Variants in KRT79 observed in about 807,000 individuals in gnomAD.
KRT79 encodes keratin, type II cytoskeletal 79.
Under a neutral mutation model 49.0 loss-of-function variants are expected in KRT79, and 51 were observed. The ratio of observed to expected loss-of-function variants is 1.04; its 90% CI spans 0.83 to 1.31. The LOEUF (loss-of-function observed/expected upper bound fraction) is 1.31, where lower values mean the gene tolerates loss of function less well. KRT79 is among the 40% of genes most tolerant of loss of function. The pLI is 0.00. For synonymous variants in KRT79, 312 were observed against 286.6 expected, an observed-to-expected ratio of 1.09 and a Z score of -0.90; for missense variants, 728 against 688.0, an observed-to-expected ratio of 1.06 and a Z score of -0.65.
intron 4 of KRT79, among the ~76,000 whole-genome samples, chr12:52,827,998 A>T (rs1336662789): frequency 6.6e-6 from 1 of 152,028 alleles, no homozygotes; most frequent in African/African-American, 2.4e-5. Context: ...AGACCCCAAA[A>T]CCCCAAACGC....
intron 5 of KRT79, 23 bp downstream of exon 5, chr12:52,824,175 C>A: frequency 1.9e-6 from 3 of 1,614,114 alleles, no homozygotes; most frequent in Non-Finnish European, 2.5e-6. Flanking sequence ...AGGCCTCACA[C>A]CTGAGCCAGC....
intron 4 of KRT79, among the ~76,000 whole-genome samples, chr12:52,826,374 A>T (rs1272854548): frequency 1.3e-5 from 2 of 151,964 alleles, no homozygotes; most frequent in Non-Finnish European, 2.9e-5. Flanking sequence ...TTAGCCAGGC[A>T]TGGTGACGTG....
rs986025224 is a variant in KRT79, at chr12:52,823,237, C to A, written c.1147-1G>T. The A allele has an allele frequency of 8.7e-6, 14 of 1,613,816 alleles. No individual in the cohort carries two copies. The highest frequency in any genetic ancestry group is 9.3e-6 in the Non-Finnish European group (11 of 1,179,766). Reference sequence around the variant, plus strand: ...CAATGGCCGTCTGCAGCTGCTGACACTGCCCAGGGGAGAAAGGTGTTGGAA... The same window carrying A: ...CAATGGCCGTCTGCAGCTGCTGACAATGCCCAGGGGAGAAAGGTGTTGGAA... On this transcript the variant is annotated splice_acceptor_variant, in intron 6 of 8. Coordinates refer to ENST00000330553, the MANE Select transcript of KRT79 (RefSeq NM_175834.3). LOFTEE classifies it high-confidence loss of function.
chr12:52,823,897 G>T lies in KRT79; in HGVS notation c.1136C>A (p.Ala379Asp), dbSNP rs1940137562. 1 of 1,613,314 alleles carries T rather than the reference G, an allele frequency of 6.2e-7. No individual in the cohort carries two copies. The highest frequency in any genetic ancestry group is 2.2e-5 in the East Asian group (1 of 44,880). The stretch of plus-strand genomic sequence containing the variant: ...CCAGTAGAGTCCCACCTGCTTCTTG[G>T]CTGCATCAGCCTCCCCCTGCAGCCT... ...IQRLQGEADA[A>D]KKQCQQLQTA... The change falls in exon 6 of 9, where the codon GCC (alanine) becomes GAC (aspartate). Residue 379 changes from alanine (A) to aspartate (D), a missense_variant. By Grantham distance (126) the Ala-to-Asp change is moderately radical (BLOSUM62 -2). Transcript: ENST00000330553.
chr12:52,824,672 A>C (rs1427768052), intron 4 of KRT79, among the ~76,000 whole-genome samples: 1 of 152,184 alleles, frequency 6.6e-6, no homozygotes, highest in Non-Finnish European at 1.5e-5. Context: ...CACATTCACT[A>C]ACCCCTCTAG....
At position 52,833,797 on chromosome 12, in the gene KRT79, G is replaced by A. The variant is rs1485552625; in HGVS notation, c.464C>T (p.Ser155Phe). 3 of 1,613,786 alleles carry A rather than the reference G, an allele frequency of 1.9e-6. No homozygotes were observed. Among genetic ancestry groups the A allele is most frequent in the Admixed American group, 3.3e-5 (2 of 60,000 alleles). ...TGCTTGGCCCACCTTGTCGATGAAG[G>A]AGGCGAACTTGTTGTTGAGGGTCTT... ...QIKTLNNKFA[S>F]FIDKVRFLEQ... Residue 155 changes from serine to phenylalanine, a missense_variant, in exon 1 of 9, where the codon TCC (serine) becomes TTC (phenylalanine). Coordinates refer to ENST00000330553, the MANE Select transcript of KRT79 (RefSeq NM_175834.3).
At position 52,834,185 on chromosome 12, in the gene KRT79, C is replaced by T; in HGVS notation, c.76G>A (p.Gly26Arg). Residue 26 changes from glycine to arginine, a missense_variant, in exon 1 of 9, where the codon GGG becomes AGG. Physicochemically the swap from Gly to Arg is moderately radical, Grantham distance 125 (BLOSUM62 -2). Transcript: ENST00000330553. ...FSSNSASGGS[G>R]SQARTSFSSV... ...CTGAAGCTGGTGCGGGCCTGGGACCCACTCCCTCCGCTGGCAGAGTTGGAG... is the reference window on the plus strand; with the variant it reads ...CTGAAGCTGGTGCGGGCCTGGGACCTACTCCCTCCGCTGGCAGAGTTGGAG... The T allele has an allele frequency of 6.2e-7, 1 of 1,613,838 alleles. No individual in the cohort carries two copies. Among genetic ancestry groups the T allele is most frequent in the Non-Finnish European group, 8.5e-7 (1 of 1,179,970 alleles).
rs1454205464 is a variant in KRT79 at position 52,831,563 on chromosome 12, C to T, written c.541G>A (p.Gly181Ser). 1.9e-6 allele frequency: 3 copies of T among 1,614,240 alleles called. No homozygotes were observed. The highest frequency in any genetic ancestry group is 1.1e-5 in the South Asian group (1 of 91,088). The change falls in exon 2 of 9, where the codon GGC becomes AGC. Residue 181 changes from glycine to serine, a missense_variant. Gly to Ser is a moderately conservative substitution (Grantham distance 56). Transcript: ENST00000330553. ...TTCCTGGTGACACCCAAGTTCTGGC[C>T]CTGCTCCTGCAGCAGTGCCCACTTG... ...ETKWALLQEQGQNLGVTRNNL... is the reference protein window; with the variant it reads ...ETKWALLQEQSQNLGVTRNNL...
intron 4 of KRT79, 47 bp from the exon 5 acceptor site, chr12:52,824,409 C>T: frequency 6.3e-7 from 1 of 1,589,940 alleles, no homozygotes; most frequent in Non-Finnish European, 8.6e-7. Context: ...CTCCAGGCCC[C>T]AGGAAGCATC....
rs748340452 is a variant in KRT79, at chr12:52,821,536, G to A, written c.*336C>T. 10 of 322,986 alleles carry A rather than the reference G, an allele frequency of 3.1e-5. No homozygotes were observed. Among genetic ancestry groups the A allele is most frequent in the Non-Finnish European group, 4.7e-5 (8 of 171,254 alleles). The allele number at this position is 322,986 out of a possible 1,614,324, so 20.0% of individuals were successfully genotyped here. ...GTGGGTCTGGTGGGGGACTGGGGAG[G>A]TTGAAGGGTCTTTGGGGACCACTCC... On this transcript the variant is annotated 3_prime_UTR_variant, in exon 9 of 9. Transcript: ENST00000330553.
chr12:52,821,613 C>CGCTGTATCATT lies in KRT79; in HGVS notation c.*258_*259insAATGATACAGC. 1 of 494,336 alleles carries CGCTGTATCATT rather than the reference C, an allele frequency of 2.0e-6. No individual in the cohort carries two copies. Among genetic ancestry groups the CGCTGTATCATT allele is most frequent in the South Asian group, 2.3e-5 (1 of 43,484 alleles). 30.6% of individuals were successfully genotyped at this position (494,336 alleles called of 1,614,324 possible). A position where few individuals can be genotyped will look rare whatever the true frequency, so the allele number is the denominator to read the frequency against. ...AGAAATTCAGCCTCCTCTCGGTGGT[C>CGCTGTATCATT]AAAAGGTCACCCCCAAGTCACCCAA... On this transcript the variant is annotated 3_prime_UTR_variant, in exon 9 of 9. Transcript: ENST00000330553.
At chr12:52,822,236 G>T in intron 8 of KRT79, 109 bp downstream of exon 8, 1 of 1,322,762 alleles carries the variant, frequency 7.6e-7, no homozygotes, top group Non-Finnish European at 1.1e-6. Context: ...TGTCTCCAGG[G>T]GCTCGAATGG....
Position 52,821,613 on chromosome 12 carries a change from C to CGCCGTATCATTAAAAAAA in KRT79, c.*258_*259insTTTTTTTAATGATACGGC. ...AGAAATTCAGCCTCCTCTCGGTGGT[C>CGCCGTATCATTAAAAAAA]AAAAGGTCACCCCCAAGTCACCCAA... is the stretch of plus-strand genomic sequence containing the variant. On this transcript the variant is annotated 3_prime_UTR_variant, in exon 9 of 9. Coordinates refer to ENST00000330553, the MANE Select transcript of KRT79 (RefSeq NM_175834.3). 2 of 494,332 alleles carry CGCCGTATCATTAAAAAAA rather than the reference C, an allele frequency of 4.0e-6. No homozygotes were observed. Among genetic ancestry groups the CGCCGTATCATTAAAAAAA allele is most frequent in the African/African-American group, 4.4e-5 (2 of 45,118 alleles). The allele number at this position is 494,332 out of a possible 1,614,324, so 30.6% of individuals were successfully genotyped here. A position where few individuals can be genotyped will look rare whatever the true frequency, so the allele number is the denominator to read the frequency against.
rs1229072611 is a variant in KRT79, at chr12:52,831,569, C to T, written c.535G>A (p.Glu179Lys). 1.2e-6 allele frequency: 2 copies of T among 1,614,140 alleles called. No individual in the cohort carries two copies. Among genetic ancestry groups the T allele is most frequent in the Admixed American group, 3.3e-5 (2 of 60,006 alleles). ...GTGACACCCAAGTTCTGGCCCTGCT[C>T]CTGCAGCAGTGCCCACTTGGTCTCC... ...VLETKWALLQEQGQNLGVTRN... is the reference protein window; with the variant it reads ...VLETKWALLQKQGQNLGVTRN... Residue 179 changes from glutamate to lysine, a missense_variant, in exon 2 of 9, where the codon GAG becomes AAG. Physicochemically the swap from Glu to Lys is moderately conservative, Grantham distance 56. Coordinates refer to ENST00000330553, the MANE Select transcript of KRT79 (RefSeq NM_175834.3).
intron 1 of KRT79, among the ~76,000 whole-genome samples, chr12:52,832,780 C>A (rs979034859): frequency 1.3e-5 from 2 of 152,136 alleles, no homozygotes; most frequent in African/African-American, 4.8e-5. Flanking sequence ...AGTCCAGGGG[C>A]CTGGGTCCCA....
rs1244467311 is a variant in KRT79 at position 52,833,932 on chromosome 12, G to A, written c.329C>T (p.Pro110Leu). ...AGTGACCTCCTGGATCCCCCCAGGA[G>A]GACAAGCAGGCCCAAACGTCTGCCT... Reference protein sequence around the residue: ...AGRQTFGPACPPGGIQEVTVN... With the variant: ...AGRQTFGPACLPGGIQEVTVN... The change falls in exon 1 of 9, where the codon CCT (proline) becomes CTT (leucine). Residue 110 changes from proline to leucine, a missense_variant. By Grantham distance (98) the Pro-to-Leu change is moderately conservative. Coordinates refer to ENST00000330553, the MANE Select transcript of KRT79 (RefSeq NM_175834.3). 3 of 1,613,742 alleles carry A rather than the reference G, an allele frequency of 1.9e-6. No homozygotes were observed. Among genetic ancestry groups the A allele is most frequent in the Admixed American group, 1.7e-5 (1 of 59,970 alleles).
intron 4 of KRT79, among the ~76,000 whole-genome samples, chr12:52,827,378 G>C (rs776395856): frequency 7.2e-5 from 11 of 152,244 alleles, no homozygotes; most frequent in Non-Finnish European, 1.5e-4. Flanking sequence ...CATAGCAATG[G>C]AAAGGAATGC....
chr12:52,822,129 G>A, intron 8 of KRT79, 52 bp from the exon 9 acceptor site: 4 of 1,570,468 alleles, frequency 2.5e-6, no homozygotes, highest in East Asian at 2.2e-5. Flanking sequence ...AGAGAGGGCT[G>A]GGGGAGACCC....
At chr12:52,822,920 C>G (rs956237699) in intron 7 of KRT79, 96 bp downstream of exon 7, 1 of 1,239,304 alleles carries the variant, frequency 8.1e-7, no homozygotes, top group African/African-American at 1.5e-5. Context: ...CTCCCTGGTT[C>G]CTCTCTCCCT....
Sources: allele counts gnomAD v4.1 joint callset (sites outside exome capture counted in the v4.1 genomes callset), GRCh38; gene constraint gnomAD v4.1.1; transcripts MANE v1.5; gene names NCBI Gene and HGNC (gene_info 2026-07-23, HGNC 2026-07-21).